The following ARFGEF2 variants were observed in gnomAD, a reference collection of about 807,000 sequenced individuals.
ARFGEF2 encodes ARF guanine nucleotide exchange factor 2.
In ARFGEF2, 74 loss-of-function variants were observed where a neutral mutation model predicts 219.9. That is an observed-to-expected ratio of 0.34 (90% CI 0.28 to 0.41). The LOEUF (loss-of-function observed/expected upper bound fraction) is 0.41. Among genes scored for constraint, ARFGEF2 ranks in the 10% least tolerant of loss-of-function variants. The probability of loss-of-function intolerance (pLI) is 1.00; values close to 1 mark genes in which losing one functional copy is unlikely to be tolerated. For missense variants in ARFGEF2, 1,743 were observed against 2,218.3 expected (o/e 0.79, Z 4.30); for synonymous variants, 733 against 799.2 (o/e 0.92, Z 1.40).
At chr20:48,942,057 A>G (rs952527822) in intron 3 of ARFGEF2, 70 bp downstream of exon 3, 2 of 1,599,664 alleles carry the variant, frequency 1.3e-6, no homozygotes, top group Non-Finnish European at 8.5e-7. Flanking sequence ...ACACAGAACT[A>G]TGCTGGGGAC....
intron 26 of ARFGEF2, among the ~76,000 whole-genome samples, chr20:49,007,156 G>A (rs1340209235): frequency 6.6e-6 from 1 of 152,144 alleles, no homozygotes; most frequent in Non-Finnish European, 1.5e-5. Context: ...GTGCACATTT[G>A]GAAAGGGAAT....
intron 9 of ARFGEF2, among the ~76,000 whole-genome samples, chr20:48,970,314 T>A (rs1045540073): frequency 2.8e-5 from 4 of 142,202 alleles, no homozygotes; most frequent in African/African-American, 8.0e-5. Flanking sequence ...CAATAAATTT[T>A]AAAAAATAAA....
intron 6 of ARFGEF2, among the ~76,000 whole-genome samples, chr20:48,961,136 A>G (rs1473246951): frequency 7.0e-6 from 1 of 143,106 alleles, no homozygotes; most frequent in Non-Finnish European, 1.6e-5. Context: ...TAATAAATTA[A>G]TTTTAGCTTA....
chr20:49,035,651 A>T lies in ARFGEF2; in HGVS notation c.*2452A>T, dbSNP rs2091662160. The T allele has an allele frequency of 6.6e-6, 1 of 152,422 alleles. No individual in the cohort carries two copies. The highest frequency in any genetic ancestry group is 2.1e-4 in the South Asian group (1 of 4,830). The allele number at this position is 152,422 out of a possible 1,614,324, so 9.4% of individuals were successfully genotyped here. A position where few individuals can be genotyped will look rare whatever the true frequency, so the allele number is the denominator to read the frequency against. On this transcript the variant is annotated 3_prime_UTR_variant, in exon 39 of 39. Coordinates refer to ENST00000371917, the MANE Select transcript of ARFGEF2 (RefSeq NM_006420.3). ...AGGACACCATTTATTTAACCAAGTA[A>T]TGGAGGAGAGTGAAACATTTTCCAA...
chr20:48,952,595 A>G, intron 4 of ARFGEF2, 110 bp from the exon 5 acceptor site: 1 of 1,072,412 alleles, frequency 9.3e-7, no homozygotes, highest in African/African-American at 1.6e-5. Flanking sequence ...ATTTGAAAAA[A>G]GCACACAGAA....
rs2091170496 is a variant in ARFGEF2, at chr20:48,963,895, A to G, written c.904A>G (p.Lys302Glu). Residue 302 changes from lysine (K) to glutamate (E), a missense_variant, in exon 7 of 39, where the codon AAA becomes GAA. By Grantham distance (56) the Lys-to-Glu change is moderately conservative. Transcript: ENST00000371917. ...ILEDVVTSAI[K>E]EAAEKHGLTE... ...GGAAGATGTAGTCACATCTGCCATT[A>G]AAGGTAAGAACCAAGGACAACCCAG... The G allele has an allele frequency of 1.2e-6, 2 of 1,613,878 alleles. No homozygotes were observed. The highest frequency in any genetic ancestry group is 1.7e-6 in the Non-Finnish European group (2 of 1,179,908).
At chr20:48,939,865 T>A (rs998698344) in intron 1 of ARFGEF2, among the ~76,000 whole-genome samples, 3 of 152,214 alleles carry the variant, frequency 2.0e-5, no homozygotes, top group African/African-American at 7.2e-5. Flanking sequence ...CAGTACCGTG[T>A]CCTGGGGTTG....
rs953816468 is a variant in ARFGEF2, at chr20:48,935,765, C to T, written c.122-5434C>T. Among the ~76,000 whole-genome samples, 11 of 148,312 alleles carry T rather than the reference C, an allele frequency of 7.4e-5. No individual in the cohort carries two copies. In the East Asian group the frequency reaches 1.2e-3, roughly 17 times the overall value. ...CTCCCGGACAGGGCGGCTGGCTGGG[C>T]GGGGGGCTGACCCCCCCACCTCCCT... On this transcript the variant is annotated intron_variant, in intron 1 of 38. Transcript: ENST00000371917.
intron 3 of ARFGEF2, among the ~76,000 whole-genome samples, chr20:48,950,807 AAAAAATATATATATAT>A (rs1378764288): frequency 0.043 from 1,919 of 44,662 alleles, 67 homozygotes; most frequent in African/African-American, 0.17. Context: ...AAAAAAAAAA[AAAAAATATATATATAT>A]ATATATATAT....
Position 48,921,844 on chromosome 20 carries a change from C to G in ARFGEF2, c.-46C>G, listed in dbSNP as rs1280804520. 2 of 1,485,484 alleles carry G rather than the reference C, an allele frequency of 1.3e-6. No individual in the cohort carries two copies. The highest frequency in any genetic ancestry group is 9.0e-7 in the Non-Finnish European group (1 of 1,112,262). 92.0% of individuals were successfully genotyped at this position (1,485,484 alleles called of 1,614,324 possible). On this transcript the variant is annotated 5_prime_UTR_variant, in exon 1 of 39. Transcript: ENST00000371917. The stretch of plus-strand genomic sequence containing the variant: ...CCGCAGCCTAGCTCGCCATCTCGCT[C>G]ACGCCGCCCGCCCGCGGGGCCGTCA...
chr20:48,972,281 T>A (rs766579736), intron 10 of ARFGEF2, 45 bp from the exon 11 acceptor site: 2 of 1,421,296 alleles, frequency 1.4e-6, no homozygotes, highest in African/African-American at 2.8e-5. Flanking sequence ...TGAGCCCTGG[T>A]TGAAACTGTT....
At chr20:49,017,196 T>G in intron 31 of ARFGEF2, 53 bp from the exon 32 acceptor site, 1 of 1,589,192 alleles carries the variant, frequency 6.3e-7, no homozygotes, top group East Asian at 2.2e-5. Flanking sequence ...GAGACCTGGT[T>G]GGCATCAAAA....
At chr20:48,973,426 A>T (rs1024029873) in intron 12 of ARFGEF2, 142 bp downstream of exon 12, 2 of 894,162 alleles carry the variant, frequency 2.2e-6, no homozygotes, top group Non-Finnish European at 3.5e-6. Flanking sequence ...TCCTGCCATC[A>T]TGAAACGACA....
At chr20:48,988,759 C>A in intron 18 of ARFGEF2, 97 bp downstream of exon 18, 1 of 1,084,318 alleles carries the variant, frequency 9.2e-7, no homozygotes, top group Non-Finnish European at 1.4e-6. Flanking sequence ...ATGTGCATAG[C>A]TGGATATCTG....
At chr20:49,006,825 G>C (rs1289188263) in intron 26 of ARFGEF2, among the ~76,000 whole-genome samples, 1 of 152,066 alleles carries the variant, frequency 6.6e-6, no homozygotes, top group African/African-American at 2.4e-5. Flanking sequence ...GGAGCTGTCG[G>C]CCATTGTCAG....
intron 11 of ARFGEF2, 97 bp downstream of exon 11, chr20:48,972,522 A>C (rs1222068803): frequency 1.0e-6 from 1 of 979,680 alleles, no homozygotes; most frequent in African/African-American, 1.6e-5. Flanking sequence ...TAGAGTTTTA[A>C]AGGATTGGCA....
intron 14 of ARFGEF2, among the ~76,000 whole-genome samples, chr20:48,984,484 G>A (rs1032869786): frequency 7.2e-5 from 11 of 152,170 alleles, no homozygotes; most frequent in African/African-American, 2.4e-4. Flanking sequence ...AACACGTAGG[G>A]TTCTATTAGT....
intron 25 of ARFGEF2, among the ~76,000 whole-genome samples, chr20:49,004,225 G>A (rs896739268): frequency 5.3e-5 from 8 of 151,726 alleles, no homozygotes; most frequent in South Asian, 2.1e-4. Flanking sequence ...GTAGCTGGAC[G>A]GGGTGGCAGG....
At chr20:49,027,479 T>C (rs1171346401) in intron 36 of ARFGEF2, among the ~76,000 whole-genome samples, 2 of 152,058 alleles carry the variant, frequency 1.3e-5, no homozygotes, top group Non-Finnish European at 2.9e-5. Context: ...GGTGGATCAC[T>C]TAAAGTCAGG....
Sources: allele counts gnomAD v4.1 joint callset (sites outside exome capture counted in the v4.1 genomes callset), GRCh38; gene constraint gnomAD v4.1.1; transcripts MANE v1.5; gene names NCBI Gene and HGNC (gene_info 2026-07-23, HGNC 2026-07-21).